The following SOX6 variants were observed in gnomAD, a reference collection of about 807,000 sequenced individuals.
The protein encoded by SOX6 is transcription factor SOX-6.
Under a neutral mutation model 97.8 loss-of-function variants are expected in SOX6, and 11 were observed. That is an observed-to-expected ratio of 0.11 (90% confidence interval 0.07 to 0.19). SOX6 has a LOEUF of 0.19. Ranked by LOEUF, SOX6 falls within the 10% of genes least tolerant of loss-of-function variation. The probability of loss-of-function intolerance (pLI) is 1.00; values close to 1 mark genes in which losing one functional copy is unlikely to be tolerated. For missense variants in SOX6, 810 were observed against 1,039.5 expected, an observed-to-expected ratio of 0.78 and a Z score of 3.04; for synonymous variants, 360 against 371.4, an observed-to-expected ratio of 0.97 and a Z score of 0.35.
At chr11:16,083,704 T>C (rs1388783689) in intron 9 of SOX6, among the ~76,000 whole-genome samples, 1 of 152,200 alleles carries the variant, frequency 6.6e-6, no homozygotes, top group East Asian at 1.9e-4. Flanking sequence ...TTAATCTATC[T>C]CTCTAGACCT....
chr11:16,141,196 C>T (rs937203881), intron 6 of SOX6, among the ~76,000 whole-genome samples: 1 of 152,038 alleles, frequency 6.6e-6, no homozygotes, highest in Non-Finnish European at 1.5e-5. Context: ...TTCCAAGCAG[C>T]ATTTGGATTT....
intron 4 of SOX6, among the ~76,000 whole-genome samples, chr11:16,498,287 C>T (rs1439830124): frequency 2.6e-5 from 4 of 152,108 alleles, no homozygotes; most frequent in Non-Finnish European, 4.4e-5. Flanking sequence ...CAGGCCTGCC[C>T]TAAAAGAGCT....
Position 16,462,024 on chromosome 11 carries a change from T to C in SOX6, c.-5+14291A>G, listed in dbSNP as rs115042911. On this transcript the variant is annotated intron_variant, in intron 1 of 15. Transcript: ENST00000396356. ...CTTTGAAAAAAGTCAGTAATTAGTATATACTTGTGGAGCTGAATTAGTTTC... is the reference window on the plus strand; with the variant it reads ...CTTTGAAAAAAGTCAGTAATTAGTACATACTTGTGGAGCTGAATTAGTTTC... Among the ~76,000 whole-genome samples the C allele has an allele frequency of 3.2e-3, 486 of 152,368 alleles. 4 individuals are homozygous for C. Among genetic ancestry groups the C allele is most frequent in the African/African-American group, 0.011 (458 of 41,592 alleles).
chr11:16,528,416 T>C (rs986918263), intron 4 of SOX6, among the ~76,000 whole-genome samples: 1 of 152,080 alleles, frequency 6.6e-6, no homozygotes, highest in Admixed American at 6.6e-5. Context: ...TCCAAAGTTA[T>C]TCAGAGGGTG....
At chr11:16,164,249 G>C (rs768360219) in intron 6 of SOX6, among the ~76,000 whole-genome samples, 1 of 152,084 alleles carries the variant, frequency 6.6e-6, no homozygotes, top group Non-Finnish European at 1.5e-5. Flanking sequence ...GATTACAGGG[G>C]TGAGCCACCA....
chr11:16,165,178 T>G (rs1850854637), intron 6 of SOX6, among the ~76,000 whole-genome samples: 1 of 152,210 alleles, frequency 6.6e-6, no homozygotes, highest in Non-Finnish European at 1.5e-5. Flanking sequence ...CCATCGCATT[T>G]AAGGGATATA....
chr11:16,416,384 T>C (rs1030812646), intron 1 of SOX6, among the ~76,000 whole-genome samples: 4 of 152,212 alleles, frequency 2.6e-5, no homozygotes. Context: ...ATAAAAATTA[T>C]TTATTCTGAA....
chr11:16,354,388 C>T (rs1213509967), intron 1 of SOX6, among the ~76,000 whole-genome samples: 3 of 151,858 alleles, frequency 2.0e-5, no homozygotes, highest in South Asian at 2.1e-4. Flanking sequence ...AAAAATTCCA[C>T]GGAATATAAG....
intron 4 of SOX6, among the ~76,000 whole-genome samples, chr11:16,216,027 C>T (rs1219408471): frequency 6.6e-6 from 1 of 152,164 alleles, no homozygotes; most frequent in Non-Finnish European, 1.5e-5. Flanking sequence ...CCTGGTTTAG[C>T]CACTATTTTG....
chr11:16,536,758 C>T (rs537428780), intron 4 of SOX6, among the ~76,000 whole-genome samples: 11 of 152,284 alleles, frequency 7.2e-5, no homozygotes, highest in South Asian at 6.2e-4. Context: ...GACGGCCATC[C>T]GCCATTGCTG....
At chr11:16,031,752 C>G (rs796209256) in intron 12 of SOX6, among the ~76,000 whole-genome samples, 7 of 151,368 alleles carry the variant, frequency 4.6e-5, no homozygotes, top group African/African-American at 1.7e-4. Flanking sequence ...ACAAGGGGAA[C>G]AGGAAAGGGC....
intron 3 of SOX6, among the ~76,000 whole-genome samples, chr11:16,657,690 T>C (rs576945624): frequency 6.6e-6 from 1 of 152,318 alleles, no homozygotes; most frequent in African/African-American, 2.4e-5. Context: ...AATAAGTGTA[T>C]AGTGGTATCT....
At chr11:16,091,417 C>T (rs56013327) in intron 9 of SOX6, among the ~76,000 whole-genome samples, 3,651 of 152,078 alleles carry the variant, frequency 0.024, 148 homozygotes, top group African/African-American at 0.083. Context: ...CATTCCCCCA[C>T]ACCACTGAGG....
In SOX6 at chr11:16,684,048, C is replaced by G. The variant is rs183464583; in HGVS notation, n.429+30782G>C. On this transcript the variant is annotated intron_variant and non_coding_transcript_variant, in intron 3 of 5. Coordinates refer to the SOX6 transcript ENST00000524520. ...AAAACCACAATGAGATACCATCTCA[C>G]ACCAGTTAGAATGGTGATCATTAAA... Among the ~76,000 whole-genome samples the G allele has an allele frequency of 1.7e-3, 254 of 152,252 alleles. 2 individuals carry two copies. Among genetic ancestry groups the G allele is most frequent in the African/African-American group, 5.8e-3 (243 of 41,548 alleles).
At chr11:16,489,180 C>G (rs1860476704) in intron 4 of SOX6, among the ~76,000 whole-genome samples, 1 of 152,052 alleles carries the variant, frequency 6.6e-6, no homozygotes, top group Admixed American at 6.6e-5. Context: ...TCTAAATTTC[C>G]TTAATGCTGA....
intron 9 of SOX6, among the ~76,000 whole-genome samples, chr11:16,081,554 G>A (rs913892603): frequency 8.5e-5 from 13 of 152,224 alleles, no homozygotes; most frequent in African/African-American, 2.6e-4. Flanking sequence ...AGTTGGTTAA[G>A]AGGGCATAAT....
At chr11:16,061,543 T>A (rs79087965) in intron 9 of SOX6, among the ~76,000 whole-genome samples, 1 of 151,332 alleles carries the variant, frequency 6.6e-6, no homozygotes, top group African/African-American at 2.4e-5. Context: ...GAAAAAACAA[T>A]CCTAAAATTC....
intron 4 of SOX6, among the ~76,000 whole-genome samples, chr11:16,218,896 G>A (rs897442474): frequency 8.6e-5 from 13 of 151,856 alleles, no homozygotes; most frequent in African/African-American, 2.9e-4. Context: ...AATCATTTCC[G>A]TGAAACATGT....
chr11:16,106,377 T>G (rs1037500066), intron 7 of SOX6, among the ~76,000 whole-genome samples: 3 of 151,984 alleles, frequency 2.0e-5, no homozygotes, highest in African/African-American at 7.2e-5. Context: ...TGTGTGTATA[T>G]ATATATACAT....
Sources: allele counts gnomAD v4.1 joint callset (sites outside exome capture counted in the v4.1 genomes callset), GRCh38; gene constraint gnomAD v4.1.1; transcripts MANE v1.5; gene names NCBI Gene and HGNC (gene_info 2026-07-23, HGNC 2026-07-21).